Variants in ZNRF3 observed in about 807,000 individuals in gnomAD.
ZNRF3 encodes zinc and ring finger 3, also known as E3 ubiquitin-protein ligase ZNRF3.
ZNRF3 carries 23 observed loss-of-function variants against 72.5 expected under a neutral mutation model. That is an observed-to-expected ratio of 0.32 (90% CI 0.23 to 0.45). ZNRF3 has a LOEUF of 0.45. Among genes scored for constraint, ZNRF3 ranks in the 20% least tolerant of loss-of-function variants. The pLI, the probability that ZNRF3 is intolerant of heterozygous loss-of-function variation, is 1.00. For synonymous variants in ZNRF3, 610 were observed against 545.3 expected, an observed-to-expected ratio of 1.12 and a Z score of -1.65; for missense variants, 1,169 against 1,272.1, an observed-to-expected ratio of 0.92 and a Z score of 1.23.
chr22:28,934,308 TGGAA>T (rs2034778700), intron 1 of ZNRF3, among the ~76,000 whole-genome samples: 1 of 152,172 alleles, frequency 6.6e-6, no homozygotes, highest in Non-Finnish European at 1.5e-5. Flanking sequence ...AAATACCCTT[TGGAA>T]AAAGAGCTGA....
chr22:29,018,699 A>T (rs190689417), intron 2 of ZNRF3: 1 of 152,624 alleles, frequency 6.6e-6, no homozygotes, highest in African/African-American at 2.4e-5. Flanking sequence ...CTCAGAGAGA[A>T]GAAAACAGAA....
intron 2 of ZNRF3, among the ~76,000 whole-genome samples, chr22:28,995,506 T>C (rs1435098673): frequency 6.6e-6 from 1 of 152,080 alleles, no homozygotes; most frequent in Non-Finnish European, 1.5e-5. Flanking sequence ...ACCACAGTGA[T>C]GGAGTGTGGT....
chr22:29,049,849 C>T lies in ZNRF3; in HGVS notation c.1668C>T (p.Ser556=), dbSNP rs1486409367. ...GCAGCGACAGCAGCAGCAGCAGCAG[C>T]TCCGGCCAGTGCCACTGTTCCTCCA... The part of the protein sequence containing the change: ...CPGSDSSSSS[S]SGQCHCSSSD... The change falls in exon 8 of 9, where the codon AGC becomes AGT. Residue 556 remains serine, a synonymous_variant. Transcript: ENST00000544604. This position sits in a 1 kb window ranked among gnomAD's most constrained non-coding sequence, Gnocchi z 5.2. 1.9e-6 allele frequency: 3 copies of T among 1,608,442 alleles called. No homozygotes were observed. Among genetic ancestry groups the T allele is most frequent in the Middle Eastern group, 1.7e-4 (1 of 6,042 alleles).
At chr22:28,902,677 A>G (rs574359604) in intron 1 of ZNRF3, among the ~76,000 whole-genome samples, 2 of 152,328 alleles carry the variant, frequency 1.3e-5, no homozygotes, top group Non-Finnish European at 2.9e-5. Context: ...TGGCTTTGGC[A>G]GTTACCTGCT....
intron 1 of ZNRF3, among the ~76,000 whole-genome samples, chr22:28,977,296 C>T (rs1216071098): frequency 6.6e-6 from 1 of 152,184 alleles, no homozygotes; most frequent in Admixed American, 6.5e-5. Flanking sequence ...TGACCCATCA[C>T]AGTTCCCTTC....
intron 1 of ZNRF3, among the ~76,000 whole-genome samples, chr22:28,913,895 G>A (rs1044230721): frequency 2.0e-5 from 3 of 152,064 alleles, no homozygotes; most frequent in African/African-American, 4.8e-5. Flanking sequence ...CTGTGATGGC[G>A]GGCAGATAAG....
intron 1 of ZNRF3, among the ~76,000 whole-genome samples, chr22:28,896,456 G>C (rs535423744): frequency 3.9e-4 from 59 of 152,254 alleles, no homozygotes; most frequent in African/African-American, 1.4e-3. Flanking sequence ...TAGAGACAGG[G>C]TTTCGCCATG....
chr22:28,999,105 G>C (rs1046650990), intron 2 of ZNRF3, among the ~76,000 whole-genome samples: 2 of 150,224 alleles, frequency 1.3e-5, no homozygotes, highest in Non-Finnish European at 2.9e-5. Flanking sequence ...ATCACTTGAG[G>C]TCAGGAGTTT....
At chr22:28,896,355 G>C (rs181614693) in intron 1 of ZNRF3, among the ~76,000 whole-genome samples, 1 of 151,928 alleles carries the variant, frequency 6.6e-6, no homozygotes, top group Non-Finnish European at 1.5e-5. Context: ...GGATGGTCTC[G>C]ATCTCTTGAC....
chr22:28,959,340 TTC>T (rs935309068), intron 1 of ZNRF3, among the ~76,000 whole-genome samples: 5 of 152,218 alleles, frequency 3.3e-5, no homozygotes, highest in African/African-American at 1.2e-4. Flanking sequence ...TTCTCTTTTC[TTC>T]TGTCTTTCTG....
At chr22:28,972,023 A>G (rs954703745) in intron 1 of ZNRF3, among the ~76,000 whole-genome samples, 2 of 152,094 alleles carry the variant, frequency 1.3e-5, no homozygotes, top group Non-Finnish European at 2.9e-5. Flanking sequence ...TTTTCATCAC[A>G]TGACTCCACT....
At chr22:28,942,049 G>C (rs1011662327) in intron 1 of ZNRF3, among the ~76,000 whole-genome samples, 36 of 152,310 alleles carry the variant, frequency 2.4e-4, no homozygotes, top group African/African-American at 7.9e-4. Context: ...GAAATTTCTG[G>C]TGCCATTTTA....
At chr22:28,991,781 C>A (rs1601637635) in intron 2 of ZNRF3, among the ~76,000 whole-genome samples, 1 of 152,198 alleles carries the variant, frequency 6.6e-6, no homozygotes, top group East Asian at 1.9e-4. Context: ...AAATAAGACC[C>A]TTCTGCTTCA....
rs60582523 is a variant in ZNRF3, at chr22:28,940,121, A to G, written c.301-46955A>G. ...AATTCTTACCAGACTGCCACAGGTTAGAGAAAATGCTGCCCATTCTTTTCC... is the reference window on the plus strand; with the variant it reads ...AATTCTTACCAGACTGCCACAGGTTGGAGAAAATGCTGCCCATTCTTTTCC... On this transcript the variant is annotated intron_variant, in intron 1 of 8. Transcript: ENST00000544604. 3.2e-4 allele frequency among the ~76,000 whole-genome samples: 48 copies of G among 152,340 alleles called. 1 individual carries two copies. In the East Asian group the frequency reaches 8.1e-3, roughly 26 times the overall value.
intron 1 of ZNRF3, among the ~76,000 whole-genome samples, chr22:28,982,274 A>G (rs756669683): frequency 8.5e-5 from 13 of 152,086 alleles, no homozygotes; most frequent in Non-Finnish European, 1.3e-4. Flanking sequence ...AATTAGCAGG[A>G]GTTCACTGTT....
intron 1 of ZNRF3, among the ~76,000 whole-genome samples, chr22:28,976,898 C>T (rs974034416): frequency 1.3e-5 from 2 of 152,084 alleles, no homozygotes; most frequent in African/African-American, 4.8e-5. Flanking sequence ...CTAGCAACAG[C>T]CATTCTAAGT....
chr22:29,022,718 C>T (rs979769972), intron 2 of ZNRF3, among the ~76,000 whole-genome samples: 4 of 152,182 alleles, frequency 2.6e-5, no homozygotes, highest in Admixed American at 1.3e-4. Flanking sequence ...GTTACAGATA[C>T]TCACTTTAAA....
intron 1 of ZNRF3, among the ~76,000 whole-genome samples, chr22:28,974,096 TA>T (rs1404965148): frequency 2.0e-5 from 3 of 151,938 alleles, no homozygotes; most frequent in African/African-American, 7.2e-5. Flanking sequence ...TAGCTGGGAC[TA>T]CAGGCACCCA....
intron 1 of ZNRF3, among the ~76,000 whole-genome samples, chr22:28,892,301 C>T (rs955840404): frequency 2.0e-5 from 3 of 152,156 alleles, no homozygotes; most frequent in South Asian, 2.1e-4. Context: ...AGACAGCACA[C>T]GAACGGTTAC....
Sources: allele counts gnomAD v4.1 joint callset (sites outside exome capture counted in the v4.1 genomes callset), GRCh38; gene constraint gnomAD v4.1.1; non-coding constraint Gnocchi (gnomAD v3.1); transcripts MANE v1.5; gene names NCBI Gene and HGNC (gene_info 2026-07-23, HGNC 2026-07-21).